The following XRCC6 variants were observed in gnomAD, a reference collection of about 807,000 sequenced individuals.
XRCC6 encodes X-ray repair cross complementing 6.
Under a neutral mutation model 65.7 loss-of-function variants are expected in XRCC6, and 5 were observed. The ratio of observed to expected loss-of-function variants is 0.08; its 90% CI spans 0.04 to 0.16. The LOEUF is 0.16. Among genes scored for constraint, XRCC6 ranks in the 10% least tolerant of loss-of-function variants. The pLI is 1.00. For missense variants in XRCC6, 447 were observed against 738.1 expected (o/e 0.61, Z 4.57); for synonymous variants, 270 against 270.6 (o/e 1.00, Z 0.02).
At chr22:41,632,220 G>A (rs956454011) in intron 3 of XRCC6, among the ~76,000 whole-genome samples, 1 of 152,210 alleles carries the variant, frequency 6.6e-6, no homozygotes, top group Non-Finnish European at 1.5e-5. Context: ...GTACTTCGTA[G>A]AGAAGAATTT....
chr22:41,651,736 C>G (rs2068000305), intron 8 of XRCC6, among the ~76,000 whole-genome samples: 1 of 151,696 alleles, frequency 6.6e-6, no homozygotes, highest in South Asian at 2.1e-4. Flanking sequence ...CCATTTTGGC[C>G]AGTCTGGTCT....
At chr22:41,656,215 C>CCA (rs369518390) in intron 9 of XRCC6, among the ~76,000 whole-genome samples, 1 of 127,216 alleles carries the variant, frequency 7.9e-6, no homozygotes, top group Non-Finnish European at 1.6e-5. Context: ...GATCCTGTCT[C>CCA]AAAAAAAAAA....
intron 11 of XRCC6, among the ~76,000 whole-genome samples, chr22:41,658,555 T>C (rs912659770): frequency 1.3e-5 from 2 of 151,818 alleles, no homozygotes; most frequent in African/African-American, 2.4e-5. Context: ...AGGAGGAGAG[T>C]GTCAGGCTTC....
At chr22:41,624,746 C>G (rs1304076290) in intron 2 of XRCC6, among the ~76,000 whole-genome samples, 1 of 150,696 alleles carries the variant, frequency 6.6e-6, no homozygotes, top group Non-Finnish European at 1.5e-5. Context: ...ACCTGTAATC[C>G]CAGCACTTTG....
chr22:41,650,121 TGGG>T (rs991183738), intron 7 of XRCC6, among the ~76,000 whole-genome samples: 5 of 151,732 alleles, frequency 3.3e-5, no homozygotes, highest in Non-Finnish European at 7.4e-5. Context: ...TTTTTTGTGT[TGGG>T]GGGATAGAGT....
At chr22:41,651,197 C>T (rs1369694997) in intron 8 of XRCC6, among the ~76,000 whole-genome samples, 1 of 151,876 alleles carries the variant, frequency 6.6e-6, no homozygotes, top group Non-Finnish European at 1.5e-5. Context: ...ACCTGGGAGG[C>T]TGACGCATGA....
chr22:41,622,299 T>C (rs1016002393), intron 2 of XRCC6, among the ~76,000 whole-genome samples: 3 of 152,166 alleles, frequency 2.0e-5, no homozygotes, highest in Non-Finnish European at 4.4e-5. Context: ...TGGACACTGG[T>C]AGTTTGACAT....
chr22:41,630,111 G>C (rs2067723864), intron 3 of XRCC6, among the ~76,000 whole-genome samples: 2 of 151,346 alleles, frequency 1.3e-5, no homozygotes, highest in Non-Finnish European at 1.5e-5. Context: ...AGCCTCCCGA[G>C]TAGGTGAGAT....
At chr22:41,661,535 C>A in intron 12 of XRCC6, 91 bp downstream of exon 12, 1 of 1,072,326 alleles carries the variant, frequency 9.3e-7, no homozygotes, top group Non-Finnish European at 1.4e-6. Flanking sequence ...TCAGAAATAT[C>A]TATTCACAGT....
At chr22:41,632,340 G>A (rs1373493782) in intron 3 of XRCC6, among the ~76,000 whole-genome samples, 1 of 152,174 alleles carries the variant, frequency 6.6e-6, no homozygotes, top group Non-Finnish European at 1.5e-5. Flanking sequence ...GCAGGGTGTG[G>A]TGGCTCACGC....
At position 41,663,625 on chromosome 22, in the gene XRCC6, A is replaced by G. The variant is rs2068120585; in HGVS notation, c.1640A>G (p.Asn547Ser). The change falls in exon 13 of 13, where the codon AAT becomes AGT. Residue 547 changes from asparagine (N) to serine (S), a missense_variant. By Grantham distance (46) the Asn-to-Ser change is conservative. This residue lies in a region of XRCC6 where 201 missense variants were observed against 374.1 expected (regional missense o/e 0.54). Coordinates refer to ENST00000360079, the MANE Select transcript of XRCC6 (RefSeq NM_001469.5). ...CTCTCCTGACCTTTCCCCCCAGATAATGAAGGTTCTGGAAGCAAAAGGCCC... is the reference window on the plus strand; with the variant it reads ...CTCTCCTGACCTTTCCCCCCAGATAGTGAAGGTTCTGGAAGCAAAAGGCCC... The part of the protein sequence containing the change: ...EGKVTKRKHD[N>S]EGSGSKRPKV... The G allele has an allele frequency of 3.1e-6, 5 of 1,611,168 alleles. No individual in the cohort carries two copies. The highest frequency in any genetic ancestry group is 1.7e-5 in the Admixed American group (1 of 59,896).
chr22:41,641,381 G>A (rs1457424989), intron 6 of XRCC6, among the ~76,000 whole-genome samples: 1 of 152,114 alleles, frequency 6.6e-6, no homozygotes, highest in Admixed American at 6.6e-5. Flanking sequence ...AGATATTTTG[G>A]TATAGGCATG....
chr22:41,636,124 T>C lies in XRCC6; in HGVS notation c.207T>C (p.Ser69=). ...ATTTTTTTTTTCAGTGTATCCAAAG[T>C]GTGTACATCAGTAAGATCATAAGCA... ...PFDMSIQCIQ[S]VYISKIISSD... is the part of the protein sequence containing the mutation. The change falls in exon 4 of 13, where the codon AGT becomes AGC. Residue 69 remains serine (S), a synonymous_variant. Transcript: ENST00000360079. The C allele has an allele frequency of 1.3e-6, 2 of 1,583,134 alleles. No individual in the cohort carries two copies. The highest frequency in any genetic ancestry group is 8.5e-7 in the Non-Finnish European group (1 of 1,172,314).
intron 11 of XRCC6, among the ~76,000 whole-genome samples, chr22:41,659,772 G>A (rs987916050): frequency 6.6e-6 from 1 of 151,488 alleles, no homozygotes; most frequent in African/African-American, 2.4e-5. Context: ...GAAACCTTTG[G>A]CTCCCAGGCT....
At chr22:41,643,767 G>C (rs1381407731) in intron 6 of XRCC6, among the ~76,000 whole-genome samples, 1 of 151,540 alleles carries the variant, frequency 6.6e-6, no homozygotes, top group Admixed American at 6.6e-5. Context: ...GTTGCAGTGA[G>C]CTGAGATTGC....
intron 11 of XRCC6, among the ~76,000 whole-genome samples, chr22:41,659,114 T>C (rs1037800822): frequency 6.6e-6 from 1 of 152,118 alleles, no homozygotes; most frequent in Non-Finnish European, 1.5e-5. Context: ...TTTGTATTTT[T>C]AGTAGAGACG....
chr22:41,641,786 A>G (rs1327824506), intron 6 of XRCC6, among the ~76,000 whole-genome samples: 1 of 152,118 alleles, frequency 6.6e-6, no homozygotes, highest in Non-Finnish European at 1.5e-5. Context: ...TGTTGTTACC[A>G]ATGACAGGAT....
intron 3 of XRCC6, among the ~76,000 whole-genome samples, chr22:41,631,114 G>C (rs2067741215): frequency 6.7e-6 from 1 of 150,312 alleles, no homozygotes. Context: ...CCTCCCTCCT[G>C]GACGGGGCGG....
intron 9 of XRCC6, among the ~76,000 whole-genome samples, chr22:41,655,098 C>T (rs913017209): frequency 9.2e-5 from 14 of 152,120 alleles, no homozygotes; most frequent in South Asian, 2.1e-4. Context: ...ATCAGTATTG[C>T]GGTGCTTGTG....
Sources: gnomAD v4.1 joint callset for allele counts (sites outside exome capture counted in the v4.1 genomes callset) on GRCh38, gnomAD v4.1.1 for gene constraint, gnomAD v4.1.1 regional missense constraint, MANE v1.5 for transcripts, NCBI Gene and HGNC (gene_info 2026-07-23, HGNC 2026-07-21) for gene names.